Variants in SLC38A11 observed in about 807,000 individuals in gnomAD.
The protein encoded by SLC38A11 is putative sodium-coupled neutral amino acid transporter 11.
A neutral mutation model predicts 49.4 loss-of-function variants in SLC38A11; 51 were observed. That is an observed-to-expected ratio of 1.03 (90% CI 0.83 to 1.30). SLC38A11 has a LOEUF of 1.30. Among genes scored for constraint, SLC38A11 ranks in the 50% most tolerant of loss-of-function variants. The pLI is 0.00. For missense variants in SLC38A11, 574 were observed against 556.2 expected (o/e 1.03, Z -0.32); for synonymous variants, 203 against 192.9 (o/e 1.05, Z -0.43).
chr2:164,915,341 C>G, intron 8 of SLC38A11, 68 bp from the exon 9 acceptor site: 1 of 1,397,672 alleles, frequency 7.2e-7, no homozygotes, highest in East Asian at 2.3e-5. Flanking sequence ...TTCTGAAATT[C>G]AGAGATATAT....
intron 5 of SLC38A11, among the ~76,000 whole-genome samples, chr2:164,942,872 T>G (rs1476023939): frequency 2.2e-4 from 33 of 152,190 alleles, no homozygotes; most frequent in Admixed American, 2.2e-3. Flanking sequence ...ATATTCTGAT[T>G]CATAATTTAG....
chr2:164,950,314 C>T (rs1267955421), intron 3 of SLC38A11, among the ~76,000 whole-genome samples: 2 of 151,988 alleles, frequency 1.3e-5, no homozygotes, highest in African/African-American at 4.8e-5. Flanking sequence ...GAGGAGGCAA[C>T]CAATTTCAGA....
At chr2:164,904,227 C>T (rs1684844059) in intron 11 of SLC38A11, among the ~76,000 whole-genome samples, 1 of 152,140 alleles carries the variant, frequency 6.6e-6, no homozygotes, top group African/African-American at 2.4e-5. Flanking sequence ...AGTAGAAACC[C>T]ATAGGGCCCA....
chr2:164,940,678 A>G (rs1687704046), intron 5 of SLC38A11, among the ~76,000 whole-genome samples: 2 of 150,850 alleles, frequency 1.3e-5, no homozygotes, highest in South Asian at 2.1e-4. Flanking sequence ...TTTACCACAT[A>G]TATGTATTAT....
chr2:164,928,731 C>T (rs1171328462), intron 7 of SLC38A11, among the ~76,000 whole-genome samples: 2 of 151,972 alleles, frequency 1.3e-5, no homozygotes, highest in Non-Finnish European at 2.9e-5. Flanking sequence ...TCTGAACCTA[C>T]TCCTATTTAC....
chr2:164,911,498 C>CA (rs1685397256), intron 10 of SLC38A11, 138 bp downstream of exon 10: 2 of 430,814 alleles, frequency 4.6e-6, no homozygotes, highest in Non-Finnish European at 8.5e-6. Flanking sequence ...ATTTTAGAGT[C>CA]AAAAAAGAAA....
intron 7 of SLC38A11, among the ~76,000 whole-genome samples, chr2:164,926,915 T>A: frequency 6.7e-6 from 1 of 149,578 alleles, no homozygotes; most frequent in Non-Finnish European, 1.5e-5. Context: ...CTAATGTAAA[T>A]GACGAGTTAA....
At chr2:164,938,975 C>A (rs549991444) in intron 6 of SLC38A11, among the ~76,000 whole-genome samples, 2 of 151,920 alleles carry the variant, frequency 1.3e-5, no homozygotes, top group Non-Finnish European at 2.9e-5. Context: ...TGGCAAAATT[C>A]TCAAAAATTG....
chr2:164,937,513 G>A (rs1233769682), intron 6 of SLC38A11, 84 bp from the exon 7 acceptor site: 1 of 912,876 alleles, frequency 1.1e-6, no homozygotes, highest in Non-Finnish European at 1.7e-6. Context: ...ATTTTTAATT[G>A]GGTAAACTTA....
chr2:164,915,311 A>C, intron 8 of SLC38A11, 38 bp from the exon 9 acceptor site: 4 of 1,547,252 alleles, frequency 2.6e-6, no homozygotes, highest in Non-Finnish European at 3.5e-6. Context: ...TAAATCAAGC[A>C]CCAGGGTTTT....
intron 7 of SLC38A11, among the ~76,000 whole-genome samples, chr2:164,931,476 G>T (rs965359728): frequency 3.9e-5 from 6 of 151,904 alleles, no homozygotes; most frequent in African/African-American, 1.5e-4. Context: ...GCAATCCTAG[G>T]CAAAAAGAAC....
intron 7 of SLC38A11, among the ~76,000 whole-genome samples, chr2:164,935,061 G>C (rs1687265249): frequency 6.6e-6 from 1 of 151,970 alleles, no homozygotes; most frequent in African/African-American, 2.4e-5. Context: ...CTTCCTCCAG[G>C]AAACCTTCCC....
At chr2:164,939,320 C>G (rs1687585241) in intron 6 of SLC38A11, 130 bp downstream of exon 6, 1 of 538,656 alleles carries the variant, frequency 1.9e-6, no homozygotes. Flanking sequence ...ACAGTTCACT[C>G]TAGCATCACC....
At chr2:164,911,792 G>A in intron 9 of SLC38A11, 44 bp from the exon 10 acceptor site, 1 of 1,092,352 alleles carries the variant, frequency 9.2e-7, no homozygotes, top group Non-Finnish European at 1.3e-6. Flanking sequence ...GATACTAAAT[G>A]TTTGAGATAA....
chr2:164,915,609 A>G (rs1010273168), intron 8 of SLC38A11: 2 of 427,232 alleles, frequency 4.7e-6, no homozygotes, highest in African/African-American at 4.0e-5. Context: ...TTTGGGACAT[A>G]ATAAAGGGTT....
At chr2:164,938,656 C>T (rs948838043) in intron 6 of SLC38A11, among the ~76,000 whole-genome samples, 1 of 152,130 alleles carries the variant, frequency 6.6e-6, no homozygotes, top group African/African-American at 2.4e-5. Context: ...CTACCCTCAG[C>T]TCTACCTGGA....
At chr2:164,910,967 G>C (rs945418408) in intron 10 of SLC38A11, among the ~76,000 whole-genome samples, 3 of 151,838 alleles carry the variant, frequency 2.0e-5, no homozygotes, top group Non-Finnish European at 1.5e-5. Flanking sequence ...ACCCAATTTA[G>C]AGCTGACTTT....
At position 164,938,722 on chromosome 2, in the gene SLC38A11, T is replaced by C. The variant is rs542351981; in HGVS notation, c.537+728A>G. On this transcript the variant is annotated intron_variant, in intron 6 of 11. Coordinates refer to ENST00000685975, the MANE Select transcript of SLC38A11 (RefSeq NM_001351537.2). ...TTAAACATCACAGTGAAAAGTAAAATTCAGCCAAACGTTGGATTTTTCAAA... is the reference window on the plus strand; with the variant it reads ...TTAAACATCACAGTGAAAAGTAAAACTCAGCCAAACGTTGGATTTTTCAAA... Among the ~76,000 whole-genome samples the C allele has an allele frequency of 1.4e-4, 22 of 152,282 alleles. No individual in the cohort carries two copies. The East Asian group carries it at 4.1e-3, about 28-fold the overall frequency.
At chr2:164,914,040 T>C (rs1171525945) in intron 9 of SLC38A11, among the ~76,000 whole-genome samples, 1 of 151,966 alleles carries the variant, frequency 6.6e-6, no homozygotes, top group African/African-American at 2.4e-5. Flanking sequence ...GGGACAACTT[T>C]CAGAGGGTCA....
Sources: allele counts gnomAD v4.1 joint callset (sites outside exome capture counted in the v4.1 genomes callset), GRCh38; gene constraint gnomAD v4.1.1; transcripts MANE v1.5; gene names NCBI Gene and HGNC (gene_info 2026-07-23, HGNC 2026-07-21).